The following NAP1L1 variants were observed in gnomAD, a reference collection of about 807,000 sequenced individuals.
NAP1L1 encodes the protein nucleosome assembly protein 1-like 1.
Under a neutral mutation model 58.9 loss-of-function variants are expected in NAP1L1, and 9 were observed. The ratio of observed to expected loss-of-function variants is 0.15; its 90% CI spans 0.09 to 0.27. The LOEUF (loss-of-function observed/expected upper bound fraction) is 0.27. NAP1L1 is among the 10% of genes least tolerant of loss of function. The pLI is 1.00. For missense variants in NAP1L1, 302 were observed against 458.8 expected, an observed-to-expected ratio of 0.66 and a Z score of 3.12; for synonymous variants, 130 against 138.3, an observed-to-expected ratio of 0.94 and a Z score of 0.42.
Position 76,053,098 on chromosome 12 carries a change from C to A in NAP1L1, c.929G>T (p.Gly310Val). 1 of 1,609,174 alleles carries A rather than the reference C, an allele frequency of 6.2e-7. No individual in the cohort carries two copies. The highest frequency in any genetic ancestry group is 8.5e-7 in the Non-Finnish European group (1 of 1,177,060). Residue 310 changes from glycine to valine, a missense_variant, in exon 11 of 15, where the codon GGA becomes GTA. Coordinates refer to ENST00000618691, the MANE Select transcript of NAP1L1 (RefSeq NM_004537.7). The stretch of plus-strand genomic sequence containing the variant: ...TATAACAATTCAACTTACCAGATCT[C>A]CACTCTCAGGAACTGCAAAATTGAG... ...FFAPPEVPES[G>V]DLDDDAEAIL...
intron 1 of NAP1L1, among the ~76,000 whole-genome samples, chr12:76,081,478 A>G (rs1242501937): frequency 6.6e-6 from 1 of 152,202 alleles, no homozygotes; most frequent in Non-Finnish European, 1.5e-5. Flanking sequence ...GCTCACACCC[A>G]TACACTCAGC....
Position 76,076,607 on chromosome 12 carries a change from C to T in NAP1L1, c.-20-2368G>A, listed in dbSNP as rs182229873. 7.7e-3 allele frequency among the ~76,000 whole-genome samples: 1,022 copies of T among 132,618 alleles called. 14 individuals carry two copies. Among genetic ancestry groups the T allele is most frequent in the Non-Finnish European group, 0.011 (667 of 60,562 alleles). The allele number at this position is 132,618 out of a possible 152,430, so 87.0% of individuals were successfully genotyped here. A position where few individuals can be genotyped will look rare whatever the true frequency, so the allele number is the denominator to read the frequency against. ...ATATATATATATCTCCACTCATATA[C>T]GCACATACTTTAATACAAATAAACC... On this transcript the variant is annotated intron_variant, in intron 1 of 14. Coordinates refer to ENST00000618691, the MANE Select transcript of NAP1L1 (RefSeq NM_004537.7).
At chr12:76,054,427 C>T (rs921430399) in intron 8 of NAP1L1, among the ~76,000 whole-genome samples, 1 of 152,140 alleles carries the variant, frequency 6.6e-6, no homozygotes, top group Admixed American at 6.5e-5. Flanking sequence ...ACAAATTGAA[C>T]TGAATAGAAC....
intron 1 of NAP1L1, among the ~76,000 whole-genome samples, chr12:76,079,316 A>G (rs1950312095): frequency 6.6e-6 from 1 of 152,178 alleles, no homozygotes; most frequent in Non-Finnish European, 1.5e-5. Flanking sequence ...GCTTGAGGCC[A>G]GGAGTTCAAG....
chr12:76,077,932 G>A (rs1179372902), intron 1 of NAP1L1, among the ~76,000 whole-genome samples: 4 of 130,326 alleles, frequency 3.1e-5, no homozygotes, highest in Non-Finnish European at 4.6e-5. Flanking sequence ...GCAGTGAGCC[G>A]AGATCACACC....
intron 1 of NAP1L1, among the ~76,000 whole-genome samples, chr12:76,078,372 C>T (rs1319737374): frequency 2.0e-5 from 3 of 152,068 alleles, no homozygotes; most frequent in African/African-American, 7.2e-5. Context: ...ATGATCTGTC[C>T]CTGGTATATT....
At chr12:76,073,710 T>C (rs1367908259) in intron 2 of NAP1L1, 1 of 152,462 alleles carries the variant, frequency 6.6e-6, no homozygotes, top group African/African-American at 2.4e-5. Flanking sequence ...AGAAAAGAAT[T>C]AGCAAAAGCC....
At chr12:76,081,227 C>A (rs568526413) in intron 1 of NAP1L1, among the ~76,000 whole-genome samples, 2 of 152,180 alleles carry the variant, frequency 1.3e-5, no homozygotes, top group African/African-American at 4.8e-5. Flanking sequence ...TCACTGCTCA[C>A]GTACGTAACC....
chr12:76,042,543 T>C lies in NAP1L1; in HGVS notation c.*5886A>G, dbSNP rs1948560609. The C allele has an allele frequency of 6.6e-6, 1 of 152,250 alleles. No homozygotes were observed. Among genetic ancestry groups the C allele is most frequent in the Non-Finnish European group, 1.5e-5 (1 of 68,044 alleles). 9.4% of individuals were successfully genotyped at this position (152,250 alleles called of 1,614,324 possible). On this transcript the variant is annotated 3_prime_UTR_variant, in exon 15 of 15. Transcript: ENST00000618691. ...TTTTATTCATGGATTCTTATTCCTA[T>C]AGAGCAACCTCATCTACTTTCCTAG... is the stretch of plus-strand genomic sequence containing the variant.
At chr12:76,053,174 C>G (rs1319600369) in intron 10 of NAP1L1, 31 bp downstream of exon 10, 18 of 1,612,486 alleles carry the variant, frequency 1.1e-5, no homozygotes, top group East Asian at 8.9e-5. Context: ...TATAAAACAA[C>G]CGTTAATACT....
chr12:76,079,318 G>C (rs963744348), intron 1 of NAP1L1, among the ~76,000 whole-genome samples: 9 of 152,160 alleles, frequency 5.9e-5, no homozygotes, highest in Non-Finnish European at 1.2e-4. Context: ...TTGAGGCCAG[G>C]AGTTCAAGGC....
At chr12:76,067,301 G>A (rs1949725973) in intron 4 of NAP1L1, 70 bp downstream of exon 4, 9 of 1,130,644 alleles carry the variant, frequency 8.0e-6, no homozygotes, top group Non-Finnish European at 1.0e-5. Context: ...AATCCTAGAT[G>A]GTCTTAAAAA....
intron 13 of NAP1L1, 66 bp downstream of exon 13, chr12:76,049,690 A>G (rs767890208): frequency 1.2e-5 from 19 of 1,583,122 alleles, no homozygotes; most frequent in African/African-American, 1.1e-4. Flanking sequence ...GGAATACATA[A>G]GTCATTCAAT....
Position 76,056,121 on chromosome 12 carries a change from T to C in NAP1L1, c.470A>G (p.Lys157Arg), listed in dbSNP as rs1949072271. 1 of 1,611,016 alleles carries C rather than the reference T, an allele frequency of 6.2e-7. No homozygotes were observed. The highest frequency in any genetic ancestry group is 1.3e-5 in the African/African-American group (1 of 74,864). The change falls in exon 7 of 15, where the codon AAA becomes AGA. Residue 157 changes from lysine to arginine, a missense_variant. Lys to Arg is a conservative substitution (Grantham distance 26). Transcript: ENST00000618691. ...KEKAKIEDEK[K>R]DEEKEDPKGI... is the part of the protein sequence containing the mutation. ...TTTGGGGTCTTCTTTTTCTTCATCTTTTTTCTCATCTTCAATCTTGGCCTT... is the reference window on the plus strand; with the variant it reads ...TTTGGGGTCTTCTTTTTCTTCATCTCTTTTCTCATCTTCAATCTTGGCCTT...
At chr12:76,066,121 T>C (rs1592666850) in intron 4 of NAP1L1, among the ~76,000 whole-genome samples, 1 of 105,034 alleles carries the variant, frequency 9.5e-6, no homozygotes, top group African/African-American at 4.0e-5. Context: ...AATAAATAAA[T>C]AAATAAATAA....
intron 1 of NAP1L1, among the ~76,000 whole-genome samples, chr12:76,079,678 G>C (rs1459207160): frequency 6.8e-6 from 1 of 147,360 alleles, no homozygotes; most frequent in African/African-American, 2.6e-5. Context: ...AAACATGCTT[G>C]AAGGCATTTT....
chr12:76,054,175 G>A (rs1237498864), intron 8 of NAP1L1, among the ~76,000 whole-genome samples: 2 of 152,158 alleles, frequency 1.3e-5, no homozygotes, highest in African/African-American at 4.8e-5. Flanking sequence ...GATTATAGGT[G>A]TGTGCCACCA....
At position 76,041,785 on chromosome 12, in the gene NAP1L1, G is replaced by C. The variant is rs1413886137; in HGVS notation, c.*6644C>G. On this transcript the variant is annotated 3_prime_UTR_variant, in exon 15 of 15. Transcript: ENST00000618691. ...TAAAATCACATCTGATCTCAAGACA[G>C]ACACCCATGTCACATCCACACCAGT... The C allele has an allele frequency of 6.6e-6, 1 of 152,208 alleles. No homozygotes were observed. The highest frequency in any genetic ancestry group is 2.1e-4 in the South Asian group (1 of 4,832). The allele number at this position is 152,208 out of a possible 1,614,324, so 9.4% of individuals were successfully genotyped here.
chr12:76,049,549 A>G, intron 13 of NAP1L1: 1 of 1,534,254 alleles, frequency 6.5e-7, no homozygotes, highest in Non-Finnish European at 8.7e-7. Context: ...AAATTATTTG[A>G]AATAAAAAAA....
Sources: gnomAD v4.1 joint callset for allele counts (sites outside exome capture counted in the v4.1 genomes callset) on GRCh38, gnomAD v4.1.1 for gene constraint, MANE v1.5 for transcripts, NCBI Gene and HGNC (gene_info 2026-07-23, HGNC 2026-07-21) for gene names.